CYB5R4: variants seen among roughly 807,000 people sequenced by gnomAD.
CYB5R4 encodes N-terminal cytochrome b5 and cytochrome b5 oxidoreductase domain-containing protein.
In CYB5R4, 55 loss-of-function variants were observed where a neutral mutation model predicts 70.2. That is an observed-to-expected ratio of 0.78 (90% confidence interval 0.63 to 0.98). The LOEUF (loss-of-function observed/expected upper bound fraction) is 0.98, where lower values mean the gene tolerates loss of function less well. Ranked by LOEUF, CYB5R4 falls within the 50% of genes least tolerant of loss-of-function variation. CYB5R4 has a pLI of 0.00. For synonymous variants in CYB5R4, 197 were observed against 199.5 expected (o/e 0.99, Z 0.11); for missense variants, 562 against 612.6 (o/e 0.92, Z 0.87).
chr6:83,940,691 C>T lies in CYB5R4; in HGVS notation c.1346+90C>T. On this transcript the variant is annotated intron_variant, in intron 14 of 15. Transcript: ENST00000369681. ...CTTCTCTGGTTGAAGCTTTGATTGTCCAGGAAGCTCCTTCAAAGAAAAAAA... is the reference window on the plus strand; with the variant it reads ...CTTCTCTGGTTGAAGCTTTGATTGTTCAGGAAGCTCCTTCAAAGAAAAAAA... 2.2e-6 allele frequency: 3 copies of T among 1,393,348 alleles called. No individual in the cohort carries two copies. In the South Asian group the frequency reaches 4.2e-5, roughly 20 times the overall value. The allele number at this position is 1,393,348 out of a possible 1,614,324, so 86.3% of individuals were successfully genotyped here.
At chr6:83,935,914 A>G (rs899162023) in intron 11 of CYB5R4, among the ~76,000 whole-genome samples, 19 of 151,968 alleles carry the variant, frequency 1.3e-4, no homozygotes, top group African/African-American at 4.1e-4. Flanking sequence ...GCCCATTACA[A>G]AGTTTATTTG....
At chr6:83,873,235 C>CTTTTTTTTTTT (rs927399068) in intron 2 of CYB5R4, among the ~76,000 whole-genome samples, 1 of 99,810 alleles carries the variant, frequency 1.0e-5, no homozygotes, top group Non-Finnish European at 1.9e-5. Context: ...GGGTATCCTT[C>CTTTTTTTTTTT]TTTTTTTTTT....
intron 15 of CYB5R4, 115 bp downstream of exon 15, chr6:83,955,577 GT>G: frequency 1.0e-6 from 1 of 1,003,518 alleles, no homozygotes; most frequent in Non-Finnish European, 1.4e-6. Flanking sequence ...TAATCTTACA[GT>G]TTTAGAAAAT....
intron 14 of CYB5R4, among the ~76,000 whole-genome samples, chr6:83,951,970 C>T (rs1326742033): frequency 6.6e-6 from 1 of 152,092 alleles, no homozygotes; most frequent in Non-Finnish European, 1.5e-5. Context: ...ATGCCTCTGA[C>T]AATGAAAACA....
intron 4 of CYB5R4, among the ~76,000 whole-genome samples, chr6:83,910,888 T>C (rs1033677152): frequency 7.9e-5 from 12 of 152,332 alleles, no homozygotes; most frequent in Admixed American, 4.6e-4. Context: ...TTTTTAAAGC[T>C]TTTTAATCCT....
chr6:83,950,041 C>T (rs1313068922), intron 14 of CYB5R4, among the ~76,000 whole-genome samples: 1 of 152,162 alleles, frequency 6.6e-6, no homozygotes, highest in African/African-American at 2.4e-5. Context: ...CTTATTTTCT[C>T]ATGCAGCCCA....
At chr6:83,933,404 T>A (rs1430123418) in intron 10 of CYB5R4, among the ~76,000 whole-genome samples, 1 of 152,226 alleles carries the variant, frequency 6.6e-6, no homozygotes, top group African/African-American at 2.4e-5. Context: ...CTAAAATGAT[T>A]TCTTAGGATT....
At position 83,895,222 on chromosome 6, in the gene CYB5R4, G is replaced by A. The variant is rs530715213; in HGVS notation, c.330+1600G>A. On this transcript the variant is annotated intron_variant, in intron 3 of 15. Coordinates refer to ENST00000369681, the MANE Select transcript of CYB5R4 (RefSeq NM_016230.4). The stretch of plus-strand genomic sequence containing the variant: ...GCTCTGTCCCCCAGGCTGGAGTGCA[G>A]TGGTGTGATCTTGGATCACTGCAAC... 5.3e-5 allele frequency among the ~76,000 whole-genome samples: 8 copies of A among 152,288 alleles called. No individual in the cohort carries two copies. The East Asian group carries it at 9.7e-4, about 18-fold the overall frequency.
intron 5 of CYB5R4, 106 bp from the exon 6 acceptor site, chr6:83,917,899 T>C: frequency 3.5e-6 from 3 of 859,500 alleles, no homozygotes; most frequent in Non-Finnish European, 5.6e-6. Context: ...ATTTGTGATT[T>C]GTATCCTTTT....
intron 15 of CYB5R4, among the ~76,000 whole-genome samples, chr6:83,958,127 TATG>T (rs1250012146): frequency 1.3e-5 from 2 of 152,194 alleles, no homozygotes; most frequent in Non-Finnish European, 2.9e-5. Flanking sequence ...GTCTGTATGG[TATG>T]ATAACAGAGA....
chr6:83,909,185 A>G (rs923072513), intron 4 of CYB5R4, 95 bp downstream of exon 4: 109 of 975,922 alleles, frequency 1.1e-4, no homozygotes, highest in Admixed American at 1.2e-4. Flanking sequence ...ACAAATCACT[A>G]TGGTTTTGTA....
intron 1 of CYB5R4, among the ~76,000 whole-genome samples, chr6:83,863,086 G>A (rs1439295899): frequency 6.6e-6 from 1 of 152,184 alleles, no homozygotes; most frequent in Non-Finnish European, 1.5e-5. Context: ...GAGATATCTT[G>A]AAAATGTTCT....
chr6:83,884,824 A>G (rs2099459996), intron 2 of CYB5R4, among the ~76,000 whole-genome samples: 1 of 152,198 alleles, frequency 6.6e-6, no homozygotes, highest in South Asian at 2.1e-4. Context: ...TTTGGTATAT[A>G]CGTTATAGGC....
At chr6:83,913,836 T>G (rs1335363344) in intron 4 of CYB5R4, among the ~76,000 whole-genome samples, 40 of 152,144 alleles carry the variant, frequency 2.6e-4, no homozygotes, top group Non-Finnish European at 1.5e-5. Flanking sequence ...GAATATAATA[T>G]AGCTTTGTGA....
intron 3 of CYB5R4, among the ~76,000 whole-genome samples, chr6:83,902,501 T>C (rs1016922903): frequency 1.3e-5 from 2 of 152,114 alleles, no homozygotes; most frequent in East Asian, 3.8e-4. Flanking sequence ...TTGGCTATTC[T>C]AGTGGGTTTT....
intron 14 of CYB5R4, among the ~76,000 whole-genome samples, chr6:83,943,723 G>A (rs1364136671): frequency 6.6e-6 from 1 of 152,048 alleles, no homozygotes. Flanking sequence ...CAGAAGGCTA[G>A]AGGAGTATCT....
chr6:83,930,650 G>T (rs2099468003), intron 10 of CYB5R4, among the ~76,000 whole-genome samples: 1 of 152,022 alleles, frequency 6.6e-6, no homozygotes, highest in African/African-American at 2.4e-5. Context: ...CCATCTGTGA[G>T]AACTGGAATC....
At chr6:83,906,287 G>T (rs1243985957) in intron 3 of CYB5R4, among the ~76,000 whole-genome samples, 3 of 152,158 alleles carry the variant, frequency 2.0e-5, no homozygotes, top group African/African-American at 4.8e-5. Context: ...AACTCCTGGG[G>T]CAGTAGCCAT....
chr6:83,931,838 A>T (rs1282275178), intron 10 of CYB5R4, among the ~76,000 whole-genome samples: 1 of 151,280 alleles, frequency 6.6e-6, no homozygotes, highest in Admixed American at 6.6e-5. Context: ...TCTAGGGTAC[A>T]TGTGTACAAT....
Sources: gnomAD v4.1 joint callset for allele counts (sites outside exome capture counted in the v4.1 genomes callset) on GRCh38, gnomAD v4.1.1 for gene constraint, MANE v1.5 for transcripts, NCBI Gene and HGNC (gene_info 2026-07-23, HGNC 2026-07-21) for gene names.